Variants in NIM1K observed in about 807,000 individuals in gnomAD.
The protein encoded by NIM1K is NIM1 serine/threonine protein kinase.
In NIM1K, 35 loss-of-function variants were observed where a neutral mutation model predicts 37.1. The ratio of observed to expected loss-of-function variants is 0.94; its 90% CI spans 0.72 to 1.25. The LOEUF is 1.25. Ranked by LOEUF, NIM1K falls within the 50% of genes most tolerant of loss-of-function variation. The pLI, the probability that NIM1K is intolerant of heterozygous loss-of-function variation, is 0.00. For synonymous variants in NIM1K, 234 were observed against 206.6 expected (o/e 1.13, Z -1.14); for missense variants, 564 against 548.0 (o/e 1.03, Z -0.29).
chr5:43,256,323 G>C (rs1379810059), intron 2 of NIM1K, among the ~76,000 whole-genome samples: 1 of 152,208 alleles, frequency 6.6e-6, no homozygotes, highest in Non-Finnish European at 1.5e-5. Context: ...AGTGGCTGGA[G>C]CTTGGCGGTA....
At chr5:43,213,159 T>C (rs1579958711) in intron 1 of NIM1K, among the ~76,000 whole-genome samples, 1 of 24,994 alleles carries the variant, frequency 4.0e-5, no homozygotes, top group East Asian at 2.2e-3. Context: ...TTTTCTTTCT[T>C]TCTTTTTTTC....
intron 1 of NIM1K, among the ~76,000 whole-genome samples, chr5:43,215,140 G>C (rs989846457): frequency 6.6e-6 from 1 of 152,142 alleles, no homozygotes; most frequent in African/African-American, 2.4e-5. Flanking sequence ...ACCTCCTTGG[G>C]GAAATGTTTT....
intron 2 of NIM1K, among the ~76,000 whole-genome samples, chr5:43,276,497 T>C (rs989195248): frequency 1.2e-4 from 19 of 152,240 alleles, no homozygotes; most frequent in Non-Finnish European, 1.9e-4. Flanking sequence ...CCCACCAGAC[T>C]CCACCTCCAA....
chr5:43,230,689 G>T (rs1159497681), intron 1 of NIM1K, among the ~76,000 whole-genome samples: 1 of 152,166 alleles, frequency 6.6e-6, no homozygotes, highest in Non-Finnish European at 1.5e-5. Context: ...ATGCTCTCTG[G>T]TGATTTTCAT....
chr5:43,251,334 T>G (rs1752863886), intron 2 of NIM1K, among the ~76,000 whole-genome samples: 1 of 152,240 alleles, frequency 6.6e-6, no homozygotes, highest in Admixed American at 6.5e-5. Flanking sequence ...AAAGGAGAGC[T>G]GAAATGGGAA....
intron 1 of NIM1K, among the ~76,000 whole-genome samples, chr5:43,222,432 C>T (rs1269123840): frequency 6.6e-6 from 1 of 152,048 alleles, no homozygotes; most frequent in Non-Finnish European, 1.5e-5. Flanking sequence ...AAACATTTAT[C>T]AAAAGCCTAC....
At chr5:43,239,901 T>C (rs1160172940) in intron 1 of NIM1K, among the ~76,000 whole-genome samples, 3 of 152,082 alleles carry the variant, frequency 2.0e-5, no homozygotes, top group Non-Finnish European at 4.4e-5. Context: ...AAATTCTCCA[T>C]GTTTCACCAG....
intron 2 of NIM1K, among the ~76,000 whole-genome samples, chr5:43,267,475 G>A (rs949569331): frequency 6.6e-6 from 1 of 151,954 alleles, no homozygotes; most frequent in Non-Finnish European, 1.5e-5. Flanking sequence ...GGTCTTTGTT[G>A]TTTCTTTTCT....
chr5:43,271,594 C>A (rs1221903076), intron 2 of NIM1K, among the ~76,000 whole-genome samples: 1 of 152,174 alleles, frequency 6.6e-6, no homozygotes, highest in African/African-American at 2.4e-5. Flanking sequence ...CAGTTTCACA[C>A]AAACTTGCAT....
intron 3 of NIM1K, among the ~76,000 whole-genome samples, chr5:43,278,022 TC>T (rs1397546482): frequency 2.7e-3 from 404 of 150,028 alleles, no homozygotes; most frequent in African/African-American, 8.7e-3. Context: ...TTCTTTTCCT[TC>T]CTTCCTTCCT....
intron 1 of NIM1K, among the ~76,000 whole-genome samples, chr5:43,214,280 G>T (rs1376724219): frequency 6.6e-6 from 1 of 151,690 alleles, no homozygotes; most frequent in Non-Finnish European, 1.5e-5. Flanking sequence ...GAAAATCTCT[G>T]TTGTAATTAT....
At chr5:43,229,538 A>G (rs1752507211) in intron 1 of NIM1K, among the ~76,000 whole-genome samples, 1 of 152,182 alleles carries the variant, frequency 6.6e-6, no homozygotes, top group African/African-American at 2.4e-5. Context: ...TATAGGCTAT[A>G]CAGATAGATG....
At chr5:43,207,436 G>T in intron 1 of NIM1K, 2 of 839,478 alleles carry the variant, frequency 2.4e-6, no homozygotes, top group Non-Finnish European at 4.2e-6. Context: ...ACTGCTATCA[G>T]GTTCTAATAG....
chr5:43,257,094 G>C (rs78719380), intron 2 of NIM1K, among the ~76,000 whole-genome samples: 1 of 151,934 alleles, frequency 6.6e-6, no homozygotes, highest in Non-Finnish European at 1.5e-5. Context: ...AAGGAGGCTA[G>C]GGAGGTGAAA....
intron 1 of NIM1K, among the ~76,000 whole-genome samples, chr5:43,242,660 T>G (rs1752721200): frequency 6.6e-6 from 1 of 152,052 alleles, no homozygotes; most frequent in South Asian, 2.1e-4. Context: ...CAAAAATATT[T>G]ACCTCTACTA....
At chr5:43,202,754 A>G (rs1406774783) in intron 1 of NIM1K, among the ~76,000 whole-genome samples, 2 of 147,238 alleles carry the variant, frequency 1.4e-5, no homozygotes, top group African/African-American at 2.5e-5. Flanking sequence ...CAGTGTGAAA[A>G]CGGGTGTGCT....
At chr5:43,235,179 T>G (rs1473521350) in intron 1 of NIM1K, among the ~76,000 whole-genome samples, 4 of 152,238 alleles carry the variant, frequency 2.6e-5, no homozygotes, top group Non-Finnish European at 5.9e-5. Context: ...TAAATACATT[T>G]CATTCAGTGC....
chr5:43,261,769 C>T (rs1156491146), intron 2 of NIM1K, among the ~76,000 whole-genome samples: 1 of 152,152 alleles, frequency 6.6e-6, no homozygotes, highest in Non-Finnish European at 1.5e-5. Flanking sequence ...TTTAATTCAT[C>T]TTGAATTAAT....
intron 1 of NIM1K, among the ~76,000 whole-genome samples, chr5:43,219,975 T>G (rs1752358754): frequency 6.6e-6 from 1 of 152,222 alleles, no homozygotes; most frequent in Non-Finnish European, 1.5e-5. Flanking sequence ...TCCGCCCACC[T>G]CGGCCTCCCA....
Sources: gnomAD v4.1 joint callset for allele counts (sites outside exome capture counted in the v4.1 genomes callset) on GRCh38, gnomAD v4.1.1 for gene constraint, MANE v1.5 for transcripts, NCBI Gene and HGNC (gene_info 2026-07-23, HGNC 2026-07-21) for gene names.